Variants in SERPIND1 observed in about 807,000 individuals in gnomAD.
SERPIND1 encodes the protein serpin family D member 1.
Under a neutral mutation model 35.0 loss-of-function variants are expected in SERPIND1, and 34 were observed. The ratio of observed to expected loss-of-function variants is 0.97; its 90% CI spans 0.74 to 1.29. The LOEUF (loss-of-function observed/expected upper bound fraction) is 1.29. Among genes scored for constraint, SERPIND1 ranks in the 50% most tolerant of loss-of-function variants. The pLI, the probability that SERPIND1 is intolerant of heterozygous loss-of-function variation, is 0.00. For synonymous variants in SERPIND1, 236 were observed against 241.1 expected, an observed-to-expected ratio of 0.98 and a Z score of 0.19; for missense variants, 633 against 637.7, an observed-to-expected ratio of 0.99 and a Z score of 0.08.
At chr22:20,780,631 C>G (rs1390369427) in intron 2 of SERPIND1, among the ~76,000 whole-genome samples, 1 of 152,010 alleles carries the variant, frequency 6.6e-6, no homozygotes, top group Non-Finnish European at 1.5e-5. Context: ...CAAAAATTAG[C>G]TGGGCCTGGC....
rs142262672 is a variant in SERPIND1, at chr22:20,787,430, GC to G, written c.*368del. On this transcript the variant is annotated 3_prime_UTR_variant, in exon 5 of 5. Coordinates refer to ENST00000215727, the MANE Select transcript of SERPIND1 (RefSeq NM_000185.4). ...TGTCACTCAAGCCTTTCTCCACCAG[GC>G]CCCTCATCTGAATACCAAGCACAGA... 0.017 allele frequency: 6,206 copies of G among 357,000 alleles called. 344 individuals are homozygous for G. Among genetic ancestry groups the G allele is most frequent in the African/African-American group, 0.12 (5,564 of 47,170 alleles). The allele number at this position is 357,000 out of a possible 1,614,324, so 22.1% of individuals were successfully genotyped here.
chr22:20,786,237 A>C, intron 4 of SERPIND1, 89 bp downstream of exon 4: 1 of 1,411,306 alleles, frequency 7.1e-7, no homozygotes, highest in Non-Finnish European at 1.0e-6. Context: ...CCCACCCCCC[A>C]ATCTCATGTC....
In SERPIND1 at chr22:20,779,585, C is replaced by G; in HGVS notation, c.273C>G (p.Asp91Glu). The change falls in exon 2 of 5, where the codon GAC becomes GAG. Residue 91 changes from aspartate to glutamate, a missense_variant. Transcript: ENST00000215727. Reference sequence around the variant, plus strand: ...AGAAGATATTCAGTGAAGACGACGACTACATCGACATCGTCGACAGTCTGT... The same window carrying G: ...AGAAGATATTCAGTGAAGACGACGAGTACATCGACATCGTCGACAGTCTGT... ...DLEKIFSEDDDYIDIVDSLSV... is the reference protein window; with the variant it reads ...DLEKIFSEDDEYIDIVDSLSV... 1 of 1,614,230 alleles carries G rather than the reference C, an allele frequency of 6.2e-7. No individual in the cohort carries two copies. Among genetic ancestry groups the G allele is most frequent in the South Asian group, 1.1e-5 (1 of 91,090 alleles).
chr22:20,781,836 C>T (rs1050735919), intron 2 of SERPIND1, among the ~76,000 whole-genome samples: 5 of 152,196 alleles, frequency 3.3e-5, no homozygotes, highest in African/African-American at 7.2e-5. Context: ...TTTGTGTGAC[C>T]TCAGACAAGT....
chr22:20,786,658 A>T (rs575475145), intron 4 of SERPIND1, among the ~76,000 whole-genome samples: 1 of 152,166 alleles, frequency 6.6e-6, no homozygotes, highest in Non-Finnish European at 1.5e-5. Context: ...GACCACAGGC[A>T]CTGCCAAGAG....
chr22:20,780,332 G>C, intron 2 of SERPIND1, 131 bp downstream of exon 2: 1 of 1,422,610 alleles, frequency 7.0e-7, no homozygotes, highest in Non-Finnish European at 9.8e-7. Context: ...ATTGACTCTG[G>C]AACGGGGACA....
chr22:20,778,158 C>T (rs149272037), intron 1 of SERPIND1, among the ~76,000 whole-genome samples: 16 of 152,268 alleles, frequency 1.1e-4, no homozygotes, highest in East Asian at 1.9e-4. Context: ...CACCTCACTA[C>T]GCCCTGAGGG....
chr22:20,779,254 A>G (rs770008066), intron 1 of SERPIND1, 43 bp from the exon 2 acceptor site: 3 of 1,610,852 alleles, frequency 1.9e-6, no homozygotes, highest in African/African-American at 2.7e-5. Flanking sequence ...CGGGGTGTGG[A>G]TCAGCCAGGC....
In SERPIND1 at chr22:20,779,806, T is replaced by C. The variant is rs367748211; in HGVS notation, c.494T>C (p.Ile165Thr). 1.2e-6 allele frequency: 2 copies of C among 1,614,120 alleles called. No individual in the cohort carries two copies. Among genetic ancestry groups the C allele is most frequent in the African/African-American group, 1.3e-5 (1 of 74,944 alleles). Residue 165 changes from isoleucine to threonine, a missense_variant, in exon 2 of 5, where the codon ATT becomes ACT. By Grantham distance (89) the Ile-to-Thr change is moderately conservative. Transcript: ENST00000215727. The part of the protein sequence containing the change: ...PVGISTAMGM[I>T]SLGLKGETHE... ...GGCATTTCTACTGCGATGGGTATGA[T>C]TTCCTTAGGTCTGAAGGGAGAGACC...
At chr22:20,784,957 G>A (rs1934095679) in intron 3 of SERPIND1, among the ~76,000 whole-genome samples, 1 of 152,074 alleles carries the variant, frequency 6.6e-6, no homozygotes, top group Non-Finnish European at 1.5e-5. Flanking sequence ...GTATTTGCCC[G>A]GGTAGCCAGT....
chr22:20,786,798 T>C (rs1184079402), intron 4 of SERPIND1, 77 bp from the exon 5 acceptor site: 5 of 1,379,940 alleles, frequency 3.6e-6, no homozygotes, highest in Non-Finnish European at 5.2e-6. Flanking sequence ...TTTCCCTGAA[T>C]GATATGAGAT....
At chr22:20,777,749 AATC>A (rs747486488) in intron 1 of SERPIND1, among the ~76,000 whole-genome samples, 40 of 152,226 alleles carry the variant, frequency 2.6e-4, no homozygotes, top group Non-Finnish European at 5.1e-4. Flanking sequence ...CAAAACATGG[AATC>A]ATCAAAGCTC....
intron 2 of SERPIND1, among the ~76,000 whole-genome samples, chr22:20,780,945 C>T (rs1055679108): frequency 6.6e-6 from 1 of 152,088 alleles, no homozygotes; most frequent in Non-Finnish European, 1.5e-5. Context: ...TTTCTCTTTT[C>T]CTTTCCCAAT....
rs1435452045 is a variant in SERPIND1 at position 20,779,943 on chromosome 22, A to G, written c.631A>G (p.Arg211Gly). ...CCGTAAGCTGACTCATCGCCTCTTC[A>G]GGAGGAATTTTGGGTACACACTGCG... The part of the protein sequence containing the change: ...LFRKLTHRLF[R>G]RNFGYTLRSV... Residue 211 changes from arginine to glycine, a missense_variant, in exon 2 of 5, where the codon AGG becomes GGG. Physicochemically the swap from Arg to Gly is moderately radical, Grantham distance 125. Transcript: ENST00000215727. 5 of 1,614,088 alleles carry G rather than the reference A, an allele frequency of 3.1e-6. No homozygotes were observed. The African/African-American group carries it at 4.0e-5, about 13-fold the overall frequency.
intron 1 of SERPIND1, among the ~76,000 whole-genome samples, chr22:20,774,686 G>A (rs779511567): frequency 5.9e-5 from 9 of 151,698 alleles, no homozygotes; most frequent in Non-Finnish European, 1.3e-4. Flanking sequence ...GCTTAAACCC[G>A]GGAGGCAGAG....
rs777651042 is a variant in SERPIND1, at chr22:20,786,089, C to T, written c.1249C>T (p.Leu417=). Residue 417 remains leucine, a synonymous_variant, in exon 4 of 5, where the codon CTG becomes TTG. Coordinates refer to ENST00000215727, the MANE Select transcript of SERPIND1 (RefSeq NM_000185.4). ...ESLKLMGIRM[L]FDKNGNMAGI... ...CCTGAAGTTGATGGGGATCAGGATG[C>T]TGTTTGACAAAAATGGCAACATGGC... 8.7e-6 allele frequency: 14 copies of T among 1,614,106 alleles called. No individual in the cohort carries two copies. Among genetic ancestry groups the T allele is most frequent in the Non-Finnish European group, 1.1e-5 (13 of 1,180,038 alleles).
chr22:20,783,636 C>T (rs1933974546), intron 2 of SERPIND1, among the ~76,000 whole-genome samples: 2 of 152,128 alleles, frequency 1.3e-5, no homozygotes, highest in East Asian at 1.9e-4. Flanking sequence ...ATAATAATAA[C>T]AGTAATAAAA....
rs1180279414 is a variant in SERPIND1 at position 20,779,665 on chromosome 22, A to G, written c.353A>G (p.His118Arg). ...VSAGNILQLF[H>R]GKSRIQRLNI... ...GCTGGGAACATCCTCCAGCTTTTTC[A>G]TGGCAAGAGCCGGATCCAGCGTCTT... Residue 118 changes from histidine to arginine, a missense_variant, in exon 2 of 5, where the codon CAT (histidine) becomes CGT (arginine). Coordinates refer to ENST00000215727, the MANE Select transcript of SERPIND1 (RefSeq NM_000185.4). 1.2e-6 allele frequency: 2 copies of G among 1,614,026 alleles called. No homozygotes were observed. The highest frequency in any genetic ancestry group is 8.5e-7 in the Non-Finnish European group (1 of 1,179,846).
At chr22:20,781,522 C>T (rs1250513637) in intron 2 of SERPIND1, among the ~76,000 whole-genome samples, 1 of 152,244 alleles carries the variant, frequency 6.6e-6, no homozygotes, top group Non-Finnish European at 1.5e-5. Flanking sequence ...CAGAGCCCCT[C>T]CTGATCTGTC....
Sources: allele counts gnomAD v4.1 joint callset (sites outside exome capture counted in the v4.1 genomes callset), GRCh38; gene constraint gnomAD v4.1.1; transcripts MANE v1.5; gene names NCBI Gene and HGNC (gene_info 2026-07-23, HGNC 2026-07-21).